Variants in RAPGEF5 observed in about 807,000 individuals in gnomAD.
RAPGEF5 encodes the protein M-Ras-regulated GEF.
In RAPGEF5, 65 loss-of-function variants were observed where a neutral mutation model predicts 125.2. That is an observed-to-expected ratio of 0.52 (90% CI 0.43 to 0.64). RAPGEF5 has a LOEUF of 0.64. Ranked by LOEUF, RAPGEF5 falls within the 30% of genes least tolerant of loss-of-function variation. The pLI is 0.00. For missense variants in RAPGEF5, 958 were observed against 1,048.1 expected, an observed-to-expected ratio of 0.91 and a Z score of 1.19; for synonymous variants, 391 against 385.9, an observed-to-expected ratio of 1.01 and a Z score of -0.16.
chr7:22,225,988 G>A (rs958969996), intron 8 of RAPGEF5, among the ~76,000 whole-genome samples: 2 of 152,162 alleles, frequency 1.3e-5, no homozygotes, highest in Non-Finnish European at 2.9e-5. Flanking sequence ...GCAGAATGAA[G>A]CGTGGACAAG....
In RAPGEF5 at chr7:22,220,379, G is replaced by A. The variant is rs186167497; in HGVS notation, c.871-388C>T. On this transcript the variant is annotated intron_variant, in intron 8 of 25. Coordinates refer to ENST00000665637, the MANE Select transcript of RAPGEF5 (RefSeq NM_012294.5). ...AGCCAGGAACCACACTGGTGAAAGG[G>A]TGAACTGATACAGAGCCCTAAAAAT... The A allele has an allele frequency of 1.3e-4, 22 of 166,178 alleles. No homozygotes were observed. In the East Asian group the frequency reaches 3.0e-3, roughly 22 times the overall value. 10.3% of individuals were successfully genotyped at this position (166,178 alleles called of 1,614,324 possible).
At chr7:22,262,556 C>G (rs935104988) in intron 7 of RAPGEF5, among the ~76,000 whole-genome samples, 4 of 152,110 alleles carry the variant, frequency 2.6e-5, no homozygotes, top group Non-Finnish European at 5.9e-5. Context: ...ACATAGAACA[C>G]AGCAATTGTA....
At chr7:22,184,234 T>C (rs780084338) in intron 11 of RAPGEF5, among the ~76,000 whole-genome samples, 1 of 152,212 alleles carries the variant, frequency 6.6e-6, no homozygotes, top group Admixed American at 6.5e-5. Flanking sequence ...ATTCTAACAG[T>C]GGACACAGAA....
At chr7:22,255,689 T>C (rs940159073) in intron 7 of RAPGEF5, among the ~76,000 whole-genome samples, 4 of 152,176 alleles carry the variant, frequency 2.6e-5, no homozygotes, top group Non-Finnish European at 2.9e-5. Context: ...AATATTTTGG[T>C]ACATGAAGAA....
intron 1 of RAPGEF5, among the ~76,000 whole-genome samples, chr7:22,324,338 C>G (rs1783773527): frequency 6.6e-6 from 1 of 152,028 alleles, no homozygotes; most frequent in African/African-American, 2.4e-5. Context: ...AGGAGCTATC[C>G]CAGATGAGAG....
intron 9 of RAPGEF5, among the ~76,000 whole-genome samples, chr7:22,219,601 T>C (rs145775191): frequency 4.4e-4 from 67 of 152,062 alleles, no homozygotes; most frequent in Middle Eastern, 6.8e-3. Flanking sequence ...CATAAATAGA[T>C]AAGGATTCAT....
intron 24 of RAPGEF5, among the ~76,000 whole-genome samples, chr7:22,127,870 C>T (rs3807541): frequency 0.41 from 62,301 of 152,022 alleles, 14,632 homozygotes; most frequent in East Asian, 0.59. Flanking sequence ...TTGTCATAAC[C>T]GTATTTCTAA....
intron 12 of RAPGEF5, among the ~76,000 whole-genome samples, chr7:22,166,341 CA>C (rs1261346753): frequency 6.6e-6 from 1 of 152,086 alleles, no homozygotes; most frequent in Non-Finnish European, 1.5e-5. Context: ...AGCACAGCAA[CA>C]GCTTATTTAA....
chr7:22,266,500 G>A (rs1782285905), intron 7 of RAPGEF5, among the ~76,000 whole-genome samples: 1 of 151,948 alleles, frequency 6.6e-6, no homozygotes, highest in Non-Finnish European at 1.5e-5. Context: ...ATCAATCCTA[G>A]GAATAATGTT....
chr7:22,353,530 G>T (rs914110186), intron 1 of RAPGEF5, among the ~76,000 whole-genome samples: 3 of 152,104 alleles, frequency 2.0e-5, no homozygotes, highest in African/African-American at 7.2e-5. Context: ...GTATGGAGGG[G>T]GAAAATAAAT....
intron 15 of RAPGEF5, 92 bp downstream of exon 15, chr7:22,157,763 G>A: frequency 7.3e-7 from 1 of 1,362,926 alleles, no homozygotes; most frequent in Non-Finnish European, 1.0e-6. Context: ...GCTCGAGGCA[G>A]TATTCATTTT....
chr7:22,257,243 T>C (rs545280023), intron 7 of RAPGEF5, among the ~76,000 whole-genome samples: 10 of 152,308 alleles, frequency 6.6e-5, no homozygotes, highest in Non-Finnish European at 1.3e-4. Flanking sequence ...ATTTGATGTA[T>C]ATTAGCTTAT....
chr7:22,269,866 G>A (rs2128142444), intron 6 of RAPGEF5, among the ~76,000 whole-genome samples: 1 of 152,262 alleles, frequency 6.6e-6, no homozygotes, highest in South Asian at 2.1e-4. Context: ...GAACTACCTA[G>A]CTAAGGTGCT....
At chr7:22,237,281 A>G (rs982942144) in intron 7 of RAPGEF5, among the ~76,000 whole-genome samples, 1 of 151,910 alleles carries the variant, frequency 6.6e-6, no homozygotes, top group Non-Finnish European at 1.5e-5. Context: ...GAGTTCTTCG[A>G]GAGGACAGAG....
At chr7:22,215,570 C>A (rs1278029949) in intron 9 of RAPGEF5, among the ~76,000 whole-genome samples, 1 of 152,128 alleles carries the variant, frequency 6.6e-6, no homozygotes, top group Non-Finnish European at 1.5e-5. Flanking sequence ...TAGCCTGGCT[C>A]CTCTATGACA....
chr7:22,191,764 G>A, intron 11 of RAPGEF5: 1 of 427,042 alleles, frequency 2.3e-6, no homozygotes, highest in South Asian at 1.7e-5. Context: ...GTGTTAAGTA[G>A]TGGGAACCTG....
chr7:22,271,661 G>A (rs1695040516), intron 6 of RAPGEF5, among the ~76,000 whole-genome samples: 1 of 152,152 alleles, frequency 6.6e-6, no homozygotes, highest in Non-Finnish European at 1.5e-5. Context: ...CTAAATAGAG[G>A]ACGATTAAAG....
In RAPGEF5 at chr7:22,340,240, GAAGA is replaced by G. The variant is rs1367614800; in HGVS notation, c.231+16586_231+16589del. Among the ~76,000 whole-genome samples, 3 of 152,184 alleles carry G rather than the reference GAAGA, an allele frequency of 2.0e-5. No individual in the cohort carries two copies. The South Asian group carries it at 6.2e-4, about 32-fold the overall frequency. On this transcript the variant is annotated intron_variant, in intron 1 of 25. Transcript: ENST00000665637. ...AAACAAGCGCCTGAGCTGATTCAGA[GAAGA>G]GAGACTGGGAAAACAGCCCACCAGA... is the stretch of plus-strand genomic sequence containing the variant.
chr7:22,228,937 C>G (rs1374623448), intron 8 of RAPGEF5, among the ~76,000 whole-genome samples: 2 of 152,032 alleles, frequency 1.3e-5, no homozygotes, highest in African/African-American at 4.8e-5. Flanking sequence ...GCCGGGATTG[C>G]CAGGAGTGTT....
Sources: gnomAD v4.1 joint callset for allele counts (sites outside exome capture counted in the v4.1 genomes callset) on GRCh38, gnomAD v4.1.1 for gene constraint, MANE v1.5 for transcripts, NCBI Gene and HGNC (gene_info 2026-07-23, HGNC 2026-07-21) for gene names.